The following GRID2 variants were observed in gnomAD, a reference collection of about 807,000 sequenced individuals.
GRID2 encodes the protein glutamate receptor ionotropic, delta-2.
In GRID2, 33 loss-of-function variants were observed where a neutral mutation model predicts 114.8. That is an observed-to-expected ratio of 0.29 (90% CI 0.22 to 0.38). GRID2 has a LOEUF of 0.38. GRID2 is among the 10% of genes least tolerant of loss of function. The probability of loss-of-function intolerance (pLI) is 1.00; values close to 1 mark genes in which losing one functional copy is unlikely to be tolerated. For missense variants in GRID2, 1,184 were observed against 1,257.7 expected (o/e 0.94, Z 0.89); for synonymous variants, 505 against 449.9 (o/e 1.12, Z -1.55).
At chr4:93,696,839 A>G (rs1201973232) in intron 14 of GRID2, among the ~76,000 whole-genome samples, 1 of 152,190 alleles carries the variant, frequency 6.6e-6, no homozygotes, top group African/African-American at 2.4e-5. Context: ...GTAATACAGC[A>G]TATATCAGAC....
intron 1 of GRID2, among the ~76,000 whole-genome samples, chr4:93,782,163 A>T (rs915443886): frequency 6.6e-6 from 1 of 152,096 alleles, no homozygotes; most frequent in Non-Finnish European, 1.5e-5. Flanking sequence ...CAGTGACTCA[A>T]ATCGCTATCT....
intron 2 of GRID2, among the ~76,000 whole-genome samples, chr4:92,813,086 C>T (rs945760054): frequency 2.6e-5 from 4 of 152,006 alleles, no homozygotes; most frequent in Non-Finnish European, 4.4e-5. Flanking sequence ...CTTGAAATGT[C>T]AAATCTTTAT....
intron 13 of GRID2, among the ~76,000 whole-genome samples, chr4:93,602,464 A>G (rs1486478469): frequency 6.6e-6 from 1 of 152,150 alleles, no homozygotes; most frequent in Non-Finnish European, 1.5e-5. Context: ...TTTTCCCAAC[A>G]GTGTCTGTCA....
chr4:92,456,306 C>G (rs1721213224), intron 1 of GRID2, among the ~76,000 whole-genome samples: 1 of 152,002 alleles, frequency 6.6e-6, no homozygotes, highest in African/African-American at 2.4e-5. Context: ...CCTTTAGGAT[C>G]TTGTGGCTCT....
chr4:93,038,076 T>C (rs550922974), intron 2 of GRID2, among the ~76,000 whole-genome samples: 1 of 152,298 alleles, frequency 6.6e-6, no homozygotes, highest in South Asian at 2.1e-4. Flanking sequence ...AGTGTTGATT[T>C]TTCCTATCCA....
At chr4:93,238,343 T>C in intron 7 of GRID2, 28 bp from the exon 8 acceptor site, 1 of 1,521,994 alleles carries the variant, frequency 6.6e-7, no homozygotes, top group Non-Finnish European at 8.9e-7. Context: ...TTCTCAAATT[T>C]TACATCAGTA....
intron 2 of GRID2, among the ~76,000 whole-genome samples, chr4:93,062,517 G>A (rs921669544): frequency 1.3e-5 from 2 of 152,038 alleles, no homozygotes; most frequent in Non-Finnish European, 2.9e-5. Flanking sequence ...TTGTGCACTA[G>A]TTATACTCCC....
intron 14 of GRID2, among the ~76,000 whole-genome samples, chr4:93,651,560 A>G (rs1398877394): frequency 1.3e-5 from 2 of 152,140 alleles, no homozygotes; most frequent in Non-Finnish European, 2.9e-5. Flanking sequence ...CATCACCTCA[A>G]TATTCCCACT....
chr4:93,464,402 A>C (rs1265367428), intron 11 of GRID2, among the ~76,000 whole-genome samples: 1 of 152,154 alleles, frequency 6.6e-6, no homozygotes, highest in East Asian at 1.9e-4. Flanking sequence ...GAAAATTAAG[A>C]CTGTTAGCAT....
At chr4:92,656,722 T>C (rs1732257902) in intron 2 of GRID2, among the ~76,000 whole-genome samples, 1 of 151,738 alleles carries the variant, frequency 6.6e-6, no homozygotes, top group East Asian at 1.9e-4. Flanking sequence ...TGAAAATTAA[T>C]AAATCTCATG....
At chr4:92,588,673 C>T (rs557569355) in intron 1 of GRID2, among the ~76,000 whole-genome samples, 1,588 of 102,302 alleles carry the variant, frequency 0.016, 20 homozygotes, top group African/African-American at 0.053. Flanking sequence ...AGTGAGACTC[C>T]GTCTCAAAAA....
chr4:92,615,369 AT>A (rs2149233052), intron 2 of GRID2, among the ~76,000 whole-genome samples: 1 of 151,704 alleles, frequency 6.6e-6, no homozygotes, highest in African/African-American at 2.4e-5. Flanking sequence ...TCAAAAACCC[AT>A]CACATTGAAG....
intron 10 of GRID2, among the ~76,000 whole-genome samples, chr4:93,435,404 ATTATT>A (rs1386409394): frequency 1.3e-5 from 2 of 152,100 alleles, no homozygotes; most frequent in Non-Finnish European, 2.9e-5. Flanking sequence ...TTTTGTTCCT[ATTATT>A]TTAAATATTT....
At chr4:92,901,943 G>T (rs537908541) in intron 2 of GRID2, among the ~76,000 whole-genome samples, 1 of 152,038 alleles carries the variant, frequency 6.6e-6, no homozygotes, top group East Asian at 1.9e-4. Flanking sequence ...AATAGGCCTG[G>T]TATCAGTTCT....
In GRID2 at chr4:93,125,220, GCTAT is replaced by G. The variant is rs1028017268; in HGVS notation, c.735+14270_735+14273del. ...TTTTTTCATATGTCTTTTTTAGTAA[GCTAT>G]CTGAGATCCTCCTTATAAAGTTAAA... On this transcript the variant is annotated intron_variant, in intron 4 of 15. Transcript: ENST00000282020. 2.3e-4 allele frequency among the ~76,000 whole-genome samples: 35 copies of G among 151,868 alleles called. No individual in the cohort carries two copies. The East Asian group carries it at 4.3e-3, about 18-fold the overall frequency.
chr4:93,097,892 G>A (rs961929661), intron 3 of GRID2, among the ~76,000 whole-genome samples: 2 of 151,782 alleles, frequency 1.3e-5, no homozygotes, highest in Admixed American at 6.6e-5. Flanking sequence ...GCTTATAGTC[G>A]TTTATCAATA....
At chr4:93,663,191 A>T (rs1004022801) in intron 14 of GRID2, among the ~76,000 whole-genome samples, 1 of 152,214 alleles carries the variant, frequency 6.6e-6, no homozygotes, top group Non-Finnish European at 1.5e-5. Flanking sequence ...TGAGGAATGC[A>T]AACAAGGCCA....
chr4:93,401,998 A>G (rs1268261646), intron 9 of GRID2, among the ~76,000 whole-genome samples: 1 of 152,070 alleles, frequency 6.6e-6, no homozygotes, highest in Non-Finnish European at 1.5e-5. Context: ...AAACAAAAAA[A>G]AAGTATTTAG....
At chr4:93,428,532 G>A (rs1304923919) in intron 10 of GRID2, among the ~76,000 whole-genome samples, 1 of 151,988 alleles carries the variant, frequency 6.6e-6, no homozygotes, top group African/African-American at 2.4e-5. Context: ...TATTTAAAAA[G>A]GATTGTAATT....
Sources: allele counts gnomAD v4.1 joint callset (sites outside exome capture counted in the v4.1 genomes callset), GRCh38; gene constraint gnomAD v4.1.1; transcripts MANE v1.5; gene names NCBI Gene and HGNC (gene_info 2026-07-23, HGNC 2026-07-21).